PEAK1: variants seen among roughly 807,000 people sequenced by gnomAD.
The protein encoded by PEAK1 is inactive tyrosine-protein kinase PEAK1.
A neutral mutation model predicts 124.7 loss-of-function variants in PEAK1; 54 were observed. The observed-to-expected ratio is 0.43, with a 90% CI of 0.35 to 0.54. The LOEUF (loss-of-function observed/expected upper bound fraction) is 0.54. Ranked by LOEUF, PEAK1 falls within the 20% of genes least tolerant of loss-of-function variation. The pLI is 0.01. For synonymous variants in PEAK1, 719 were observed against 760.0 expected, an observed-to-expected ratio of 0.95 and a Z score of 0.89; for missense variants, 2,046 against 2,134.5, an observed-to-expected ratio of 0.96 and a Z score of 0.82.
intron 2 of PEAK1, among the ~76,000 whole-genome samples, chr15:77,313,977 G>A (rs2153006322): frequency 6.6e-6 from 1 of 152,000 alleles, no homozygotes; most frequent in Middle Eastern, 3.4e-3. Flanking sequence ...CAGTGAGCAA[G>A]GTTAACATCA....
intron 1 of PEAK1, among the ~76,000 whole-genome samples, chr15:77,384,741 T>G (rs1425238642): frequency 6.6e-6 from 1 of 152,222 alleles, no homozygotes; most frequent in African/African-American, 2.4e-5. Flanking sequence ...CTGCCTTCCC[T>G]TGGCCCTCCA....
intron 1 of PEAK1, chr15:77,402,443 A>G (rs1398938061): frequency 1.0e-6 from 1 of 985,072 alleles, no homozygotes; most frequent in African/African-American, 1.7e-5. Flanking sequence ...CTTCAATGTC[A>G]CTGCATATCT....
intron 2 of PEAK1, among the ~76,000 whole-genome samples, chr15:77,303,032 G>C (rs2063874131): frequency 6.6e-6 from 1 of 152,082 alleles, no homozygotes; most frequent in African/African-American, 2.4e-5. Flanking sequence ...AGCATTTTCA[G>C]GCTGATCTCT....
chr15:77,360,564 C>A (rs1474236125), intron 2 of PEAK1, among the ~76,000 whole-genome samples: 2 of 151,240 alleles, frequency 1.3e-5, no homozygotes, highest in African/African-American at 2.4e-5. Flanking sequence ...TTTTTTTCAA[C>A]CAAACATGGA....
intron 7 of PEAK1, chr15:77,178,533 T>C (rs1596481574): frequency 2.1e-6 from 1 of 478,092 alleles, no homozygotes; most frequent in East Asian, 3.1e-5. Flanking sequence ...TGCTTTTCTA[T>C]GCTAAAGTTC....
intron 5 of PEAK1, among the ~76,000 whole-genome samples, chr15:77,273,749 C>G (rs2062158831): frequency 6.6e-6 from 1 of 152,026 alleles, no homozygotes; most frequent in Non-Finnish European, 1.5e-5. Context: ...AAAATACCAC[C>G]ACCATTCTTC....
intron 1 of PEAK1, chr15:77,417,723 T>A: frequency 1.0e-6 from 1 of 985,340 alleles, no homozygotes; most frequent in Non-Finnish European, 1.2e-6. Context: ...AAACAGCACA[T>A]CAGTACAGTT....
intron 6 of PEAK1, chr15:77,204,899 G>T: frequency 5.4e-6 from 1 of 186,308 alleles, no homozygotes; most frequent in Non-Finnish European, 1.1e-5. Flanking sequence ...GTGAGACTCT[G>T]TCCAAAAAAA....
chr15:77,355,808 C>T (rs913931312), intron 2 of PEAK1: 4 of 985,238 alleles, frequency 4.1e-6, no homozygotes, highest in East Asian at 1.1e-4. Flanking sequence ...CCTGTAGAAT[C>T]GGAATTATAA....
chr15:77,250,049 C>A (rs867753807), intron 6 of PEAK1, among the ~76,000 whole-genome samples: 1 of 150,840 alleles, frequency 6.6e-6, no homozygotes, highest in Middle Eastern at 3.4e-3. Context: ...GGCCACATGT[C>A]TACCAGTGAC....
chr15:77,346,455 C>G (rs1289606644), intron 2 of PEAK1: 2 of 985,204 alleles, frequency 2.0e-6, no homozygotes, highest in Non-Finnish European at 2.4e-6. Flanking sequence ...GAGGCCAACT[C>G]AAGCAGGACT....
chr15:77,252,557 G>A, intron 5 of PEAK1, 31 bp from the exon 6 acceptor site: 1 of 957,980 alleles, frequency 1.0e-6, no homozygotes, highest in Non-Finnish European at 1.2e-6. Flanking sequence ...AGCAAAACTG[G>A]AGAGTAATAT....
At chr15:77,299,526 C>T (rs1361078765) in intron 2 of PEAK1, among the ~76,000 whole-genome samples, 1 of 152,174 alleles carries the variant, frequency 6.6e-6, no homozygotes, top group Non-Finnish European at 1.5e-5. Flanking sequence ...GTAGCAAAGG[C>T]ATCCAATAGG....
downstream of PEAK1, chr15:77,104,179 G>A (rs547325578): frequency 2.0e-5 from 3 of 152,428 alleles, no homozygotes; most frequent in East Asian, 5.8e-4. Context: ...TACCCACTCT[G>A]AGTTTCCTCA....
At chr15:77,103,960 TCA>T (rs2050721330), downstream of PEAK1, 3 of 152,506 alleles carry the variant, frequency 2.0e-5, no homozygotes, top group South Asian at 6.2e-4. Context: ...TTCTTCTCAC[TCA>T]CACTCTCTGC....
At chr15:77,397,083 CA>C (rs905179601) in intron 1 of PEAK1, among the ~76,000 whole-genome samples, 24 of 151,452 alleles carry the variant, frequency 1.6e-4, no homozygotes, top group African/African-American at 5.6e-4. Flanking sequence ...CTTTAAAACT[CA>C]AAAAAAATGA....
At chr15:77,141,679 A>G (rs2053798249) in intron 8 of PEAK1, among the ~76,000 whole-genome samples, 1 of 152,200 alleles carries the variant, frequency 6.6e-6, no homozygotes, top group South Asian at 2.1e-4. Context: ...AAGAATAGAA[A>G]TATAGATGAA....
At chr15:77,259,427 G>A (rs1325460023) in intron 5 of PEAK1, among the ~76,000 whole-genome samples, 1 of 152,012 alleles carries the variant, frequency 6.6e-6, no homozygotes, top group East Asian at 1.9e-4. Flanking sequence ...ATCAGTTTCT[G>A]ATTTAAAGTT....
intron 1 of PEAK1, among the ~76,000 whole-genome samples, chr15:77,379,357 G>C (rs2069291273): frequency 6.6e-6 from 1 of 152,142 alleles, no homozygotes; most frequent in African/African-American, 2.4e-5. Context: ...CACTTTTGAA[G>C]AGCTCATTGA....
Sources: gnomAD v4.1 joint callset for allele counts (sites outside exome capture counted in the v4.1 genomes callset) on GRCh38, gnomAD v4.1.1 for gene constraint, MANE v1.5 for transcripts, NCBI Gene and HGNC (gene_info 2026-07-23, HGNC 2026-07-21) for gene names.